COL14A1: variants seen among roughly 807,000 people sequenced by gnomAD.
COL14A1 encodes the protein collagen alpha-1(XIV) chain.
COL14A1 carries 136 observed loss-of-function variants against 230.3 expected under a neutral mutation model. That is an observed-to-expected ratio of 0.59 (90% CI 0.51 to 0.68). The LOEUF is 0.68. Among genes scored for constraint, COL14A1 ranks in the 30% least tolerant of loss-of-function variants. The probability of loss-of-function intolerance (pLI) is 0.00; values close to 1 mark genes in which losing one functional copy is unlikely to be tolerated. For missense variants in COL14A1, 1,976 were observed against 2,215.8 expected, an observed-to-expected ratio of 0.89 and a Z score of 2.17; for synonymous variants, 792 against 784.1, an observed-to-expected ratio of 1.01 and a Z score of -0.17.
intron 36 of COL14A1, among the ~76,000 whole-genome samples, chr8:120,307,201 T>G (rs1406829666): frequency 6.6e-6 from 1 of 152,178 alleles, no homozygotes; most frequent in Non-Finnish European, 1.5e-5. Context: ...GTATCTGTCT[T>G]TTTTGGCCTT....
In COL14A1 at chr8:120,208,483, A is replaced by C. The variant is rs78967415; in HGVS notation, c.1321+122A>C. 9.6e-4 allele frequency: 1,055 copies of C among 1,101,472 alleles called. 12 individuals carry two copies. The East Asian group carries it at 0.013, about 14-fold the overall frequency. 68.2% of individuals were successfully genotyped at this position (1,101,472 alleles called of 1,614,324 possible). On this transcript the variant is annotated intron_variant, in intron 11 of 47. Coordinates refer to ENST00000297848, the MANE Select transcript of COL14A1 (RefSeq NM_021110.4). ...TCCTGAATCGAATTCAATCAAATTCATAGAAGACATTTGTCGTGCTATATG... is the reference window on the plus strand; with the variant it reads ...TCCTGAATCGAATTCAATCAAATTCCTAGAAGACATTTGTCGTGCTATATG...
intron 1 of COL14A1, among the ~76,000 whole-genome samples, chr8:120,134,953 T>C (rs995039169): frequency 1.3e-5 from 2 of 151,986 alleles, no homozygotes; most frequent in Non-Finnish European, 2.9e-5. Flanking sequence ...CCAGCCTGGG[T>C]GACAGAGTAA....
In COL14A1 at chr8:120,360,009, T is replaced by A. The variant is rs145909624; in HGVS notation, c.5078-7162T>A. Among the ~76,000 whole-genome samples the A allele has an allele frequency of 9.8e-5, 15 of 152,344 alleles. No homozygotes were observed. In the South Asian group the frequency reaches 3.1e-3, roughly 32 times the overall value. ...AAAATACCAAAGGACCCTCTACCTA[T>A]ACTGTCTTGACTGATAGAGACTAAT... On this transcript the variant is annotated intron_variant, in intron 45 of 47. Coordinates refer to ENST00000297848, the MANE Select transcript of COL14A1 (RefSeq NM_021110.4).
At chr8:120,231,124 G>A (rs143359571) in intron 18 of COL14A1, among the ~76,000 whole-genome samples, 3 of 152,104 alleles carry the variant, frequency 2.0e-5, no homozygotes, top group African/African-American at 7.2e-5. Context: ...GAGCACTAGT[G>A]TGAGGTTCTC....
At chr8:120,135,125 G>A (rs994606127) in intron 1 of COL14A1, among the ~76,000 whole-genome samples, 6 of 152,120 alleles carry the variant, frequency 3.9e-5, no homozygotes, top group African/African-American at 1.4e-4. Context: ...GTTATATGTT[G>A]AACTACAATT....
intron 34 of COL14A1, 152 bp from the exon 35 acceptor site, chr8:120,297,359 T>G: frequency 2.7e-6 from 1 of 370,126 alleles, no homozygotes; most frequent in South Asian, 1.4e-4. Context: ...GGAAAAAAAT[T>G]AGTTTGACAT....
intron 33 of COL14A1, among the ~76,000 whole-genome samples, chr8:120,287,462 C>T (rs1425863972): frequency 6.6e-6 from 1 of 151,996 alleles, no homozygotes; most frequent in Non-Finnish European, 1.5e-5. Flanking sequence ...AGATGAAAAG[C>T]GTTTGAGATT....
intron 38 of COL14A1, among the ~76,000 whole-genome samples, chr8:120,315,032 A>G (rs1280022371): frequency 6.6e-6 from 1 of 152,360 alleles, no homozygotes; most frequent in African/African-American, 2.4e-5. Context: ...GTTCAGCTCC[A>G]TAGGAATGTT....
At chr8:120,235,134 G>A (rs1199475445) in intron 19 of COL14A1, among the ~76,000 whole-genome samples, 2 of 152,100 alleles carry the variant, frequency 1.3e-5, no homozygotes, top group African/African-American at 4.8e-5. Flanking sequence ...ATGGTAGTTT[G>A]TATTTCTGTG....
chr8:120,234,300 T>G (rs116298813), intron 19 of COL14A1, among the ~76,000 whole-genome samples: 3,960 of 152,298 alleles, frequency 0.026, 73 homozygotes, highest in Non-Finnish European at 0.032. Context: ...TGAATACCCT[T>G]TATCACTTTC....
chr8:120,364,872 G>C (rs1823354127), intron 45 of COL14A1, among the ~76,000 whole-genome samples: 1 of 151,168 alleles, frequency 6.6e-6, no homozygotes, highest in African/African-American at 2.4e-5. Flanking sequence ...GACAGAGTGA[G>C]TGAGACTCTG....
chr8:120,249,408 T>C (rs1393775512), intron 21 of COL14A1, among the ~76,000 whole-genome samples: 1 of 152,190 alleles, frequency 6.6e-6, no homozygotes. Context: ...ATGGGTGCAC[T>C]AGCCTGCTCC....
At chr8:120,176,309 A>G (rs1816281771) in intron 5 of COL14A1, among the ~76,000 whole-genome samples, 1 of 152,158 alleles carries the variant, frequency 6.6e-6, no homozygotes, top group Non-Finnish European at 1.5e-5. Context: ...AGCTTACATA[A>G]TCTAGCAGGG....
chr8:120,357,679 C>T (rs972821657), intron 45 of COL14A1, among the ~76,000 whole-genome samples: 37 of 152,134 alleles, frequency 2.4e-4, no homozygotes, highest in Admixed American at 1.4e-3. Context: ...CTCTCATCCA[C>T]GAAATGATTG....
At chr8:120,143,855 A>T (rs1013101409) in intron 1 of COL14A1, among the ~76,000 whole-genome samples, 8 of 151,892 alleles carry the variant, frequency 5.3e-5, no homozygotes, top group Non-Finnish European at 1.2e-4. Flanking sequence ...ATGTAATGTG[A>T]CTTAAAATAT....
chr8:120,162,414 CT>C lies in COL14A1; in HGVS notation c.206-8del. On this transcript the variant is annotated splice_polypyrimidine_tract_variant and intron_variant, in intron 3 of 47. Transcript: ENST00000297848. ...TTTCTTAGAACTGATTTATTTTTCT[CT>C]TTTATTATAGGTGGAAAAACTAACC... 1.3e-6 allele frequency: 2 copies of C among 1,584,222 alleles called. No homozygotes were observed. Among genetic ancestry groups the C allele is most frequent in the Non-Finnish European group, 1.7e-6 (2 of 1,169,606 alleles).
intron 3 of COL14A1, among the ~76,000 whole-genome samples, chr8:120,161,095 C>G (rs1815652275): frequency 6.6e-6 from 1 of 152,166 alleles, no homozygotes; most frequent in South Asian, 2.1e-4. Flanking sequence ...GATTTAACAT[C>G]TTGAACATAA....
At chr8:120,154,358 C>G (rs1437878742) in intron 2 of COL14A1, among the ~76,000 whole-genome samples, 1 of 152,118 alleles carries the variant, frequency 6.6e-6, no homozygotes, top group African/African-American at 2.4e-5. Context: ...TGCCTATGAG[C>G]CTCTATGGGA....
intron 2 of COL14A1, among the ~76,000 whole-genome samples, chr8:120,149,427 T>C (rs1815197899): frequency 6.6e-6 from 1 of 152,160 alleles, no homozygotes; most frequent in Admixed American, 6.6e-5. Context: ...GCTTATGTTA[T>C]TTATGTTGAT....
Sources: gnomAD v4.1 joint callset for allele counts (sites outside exome capture counted in the v4.1 genomes callset) on GRCh38, gnomAD v4.1.1 for gene constraint, MANE v1.5 for transcripts, NCBI Gene and HGNC (gene_info 2026-07-23, HGNC 2026-07-21) for gene names.